KCNB2: variants seen among roughly 807,000 people sequenced by gnomAD.
KCNB2 encodes delayed rectifier potassium channel protein.
KCNB2 carries 15 observed loss-of-function variants against 61.5 expected under a neutral mutation model. The observed-to-expected ratio is 0.24, with a 90% CI of 0.16 to 0.38. KCNB2 has a LOEUF of 0.38. Ranked by LOEUF, KCNB2 falls within the 10% of genes least tolerant of loss-of-function variation. The pLI is 1.00. For synonymous variants in KCNB2, 457 were observed against 446.0 expected (o/e 1.02, Z -0.31); for missense variants, 828 against 1,125.2 (o/e 0.74, Z 3.78).
intron 2 of KCNB2, among the ~76,000 whole-genome samples, chr8:72,614,476 C>T (rs779912483): frequency 6.6e-5 from 10 of 152,124 alleles, no homozygotes; most frequent in Non-Finnish European, 8.8e-5. Context: ...TAAAGGAATC[C>T]TCCTCACCTG....
rs546128188 is a variant in KCNB2 at position 72,790,886 on chromosome 8, A to G, written c.580-145049A>G. On this transcript the variant is annotated intron_variant, in intron 2 of 2. Transcript: ENST00000523207. ...AGTATCAAGTTCAGAATGCTTTCATATACTCTTTCTCTGTTGGTTTTCATT... is the reference window on the plus strand; with the variant it reads ...AGTATCAAGTTCAGAATGCTTTCATGTACTCTTTCTCTGTTGGTTTTCATT... Among the ~76,000 whole-genome samples, 37 of 152,338 alleles carry G rather than the reference A, an allele frequency of 2.4e-4. 1 individual carries two copies. The South Asian group carries it at 7.7e-3, about 32-fold the overall frequency.
intron 2 of KCNB2, among the ~76,000 whole-genome samples, chr8:72,715,970 C>G (rs182664324): frequency 6.6e-6 from 1 of 152,050 alleles, no homozygotes; most frequent in Non-Finnish European, 1.5e-5. Context: ...TAAAAAATGA[C>G]AAAGGGGATA....
At chr8:72,688,429 C>G (rs1219323555) in intron 2 of KCNB2, among the ~76,000 whole-genome samples, 1 of 152,012 alleles carries the variant, frequency 6.6e-6, no homozygotes, top group Non-Finnish European at 1.5e-5. Context: ...CTAGCTAATT[C>G]CTGCTTAACC....
intron 2 of KCNB2, among the ~76,000 whole-genome samples, chr8:72,793,006 G>A (rs997233741): frequency 9.9e-5 from 15 of 152,132 alleles, no homozygotes; most frequent in African/African-American, 3.4e-4. Flanking sequence ...AAGAATGACG[G>A]TTTGAAACCT....
chr8:72,612,045 A>G (rs570535887), intron 2 of KCNB2, among the ~76,000 whole-genome samples: 13 of 152,316 alleles, frequency 8.5e-5, no homozygotes, highest in Non-Finnish European at 1.9e-4. Flanking sequence ...AATAGTATAT[A>G]GAAACCTAAA....
intron 2 of KCNB2, among the ~76,000 whole-genome samples, chr8:72,802,504 A>G (rs1193300502): frequency 6.6e-6 from 1 of 152,176 alleles, no homozygotes; most frequent in Admixed American, 6.5e-5. Flanking sequence ...CTAAGGACAG[A>G]TGCTTATTTT....
chr8:72,813,207 C>T (rs931860378), intron 2 of KCNB2, among the ~76,000 whole-genome samples: 10 of 152,108 alleles, frequency 6.6e-5, no homozygotes, highest in African/African-American at 2.4e-4. Context: ...AGTAGGAAAC[C>T]GTGCCCAACC....
intron 2 of KCNB2, among the ~76,000 whole-genome samples, chr8:72,595,041 C>G (rs1563533408): frequency 6.6e-6 from 1 of 152,128 alleles, no homozygotes; most frequent in Non-Finnish European, 1.5e-5. Flanking sequence ...TTGAAAGTTC[C>G]TGAGGGTCTT....
At chr8:72,701,841 AC>A (rs1470549054) in intron 2 of KCNB2, among the ~76,000 whole-genome samples, 1 of 152,168 alleles carries the variant, frequency 6.6e-6, no homozygotes, top group Admixed American at 6.6e-5. Flanking sequence ...AATTATATGG[AC>A]ATATCATTAT....
chr8:72,830,289 A>G (rs148254321), intron 2 of KCNB2, among the ~76,000 whole-genome samples: 10 of 151,536 alleles, frequency 6.6e-5, no homozygotes, highest in African/African-American at 2.4e-4. Context: ...AGAAGGAGAG[A>G]AGGAGACCTC....
At chr8:72,812,715 C>T (rs1374218342) in intron 2 of KCNB2, among the ~76,000 whole-genome samples, 5 of 151,866 alleles carry the variant, frequency 3.3e-5, no homozygotes, top group Non-Finnish European at 7.4e-5. Flanking sequence ...ATCAATCCAT[C>T]CTTGTATTTC....
intron 2 of KCNB2, among the ~76,000 whole-genome samples, chr8:72,830,227 CAAAA>C (rs543474001): frequency 1.2e-5 from 1 of 83,422 alleles, no homozygotes; most frequent in Non-Finnish European, 2.3e-5. Flanking sequence ...TCATATTTTC[CAAAA>C]AAAAAAAAAA....
Position 72,889,076 on chromosome 8 carries a change from G to T in KCNB2, c.580-46859G>T, listed in dbSNP as rs1805854392. On this transcript the variant is annotated intron_variant, in intron 2 of 2. Transcript: ENST00000523207. ...CACAGTAGAGAGCACACTCTCTGAA[G>T]GACTTTCCCAACATGTGACAAGCAT... Among the ~76,000 whole-genome samples the T allele has an allele frequency of 2.0e-5, 3 of 152,156 alleles. No homozygotes were observed. The East Asian group carries it at 5.8e-4, about 29-fold the overall frequency.
chr8:72,700,736 A>G (rs923093334), intron 2 of KCNB2, among the ~76,000 whole-genome samples: 12 of 152,148 alleles, frequency 7.9e-5, no homozygotes, highest in Non-Finnish European at 1.5e-4. Flanking sequence ...ATTTTTGGGT[A>G]TATATCTAAA....
chr8:72,543,992 T>A (rs1329415769), intron 1 of KCNB2, among the ~76,000 whole-genome samples: 1 of 152,186 alleles, frequency 6.6e-6, no homozygotes, highest in Admixed American at 6.5e-5. Context: ...AACTATGTAG[T>A]TTGCTAAACA....
chr8:72,721,464 G>T (rs917936873), intron 2 of KCNB2, among the ~76,000 whole-genome samples: 2 of 152,154 alleles, frequency 1.3e-5, no homozygotes, highest in African/African-American at 2.4e-5. Context: ...CCTCAATATT[G>T]TTACATCTCT....
intron 2 of KCNB2, among the ~76,000 whole-genome samples, chr8:72,779,221 G>T (rs901953520): frequency 2.6e-5 from 4 of 152,222 alleles, no homozygotes; most frequent in African/African-American, 4.8e-5. Flanking sequence ...CAAAGCCAAA[G>T]GATAGTGCAG....
chr8:72,606,634 C>G (rs1326852939), intron 2 of KCNB2, among the ~76,000 whole-genome samples: 3 of 152,166 alleles, frequency 2.0e-5, no homozygotes, highest in Non-Finnish European at 4.4e-5. Flanking sequence ...AGGCAGTTCA[C>G]TGGTCGTTTG....
intron 2 of KCNB2, among the ~76,000 whole-genome samples, chr8:72,725,529 ATATATATATATGTG>A (rs1257624081): frequency 7.3e-5 from 6 of 82,428 alleles, no homozygotes; most frequent in African/African-American, 2.6e-4. Flanking sequence ...ATATATATAT[ATATATATATATGTG>A]TGTATATATA....
Sources: gnomAD v4.1 joint callset for allele counts (sites outside exome capture counted in the v4.1 genomes callset) on GRCh38, gnomAD v4.1.1 for gene constraint, MANE v1.5 for transcripts, NCBI Gene and HGNC (gene_info 2026-07-23, HGNC 2026-07-21) for gene names.